Variants in PTGER3 observed in about 807,000 individuals in gnomAD.
PTGER3 encodes prostaglandin E receptor 3.
A neutral mutation model predicts 34.7 loss-of-function variants in PTGER3; 22 were observed. The ratio of observed to expected loss-of-function variants is 0.63; its 90% CI spans 0.45 to 0.91. The LOEUF (loss-of-function observed/expected upper bound fraction) is 0.91, where lower values mean the gene tolerates loss of function less well. Among genes scored for constraint, PTGER3 ranks in the 40% least tolerant of loss-of-function variants. The pLI is 0.00. For missense variants in PTGER3, 468 were observed against 519.4 expected (o/e 0.90, Z 0.96); for synonymous variants, 241 against 230.1 (o/e 1.05, Z -0.43).
intron 2 of PTGER3, among the ~76,000 whole-genome samples, chr1:70,954,067 T>C (rs1317784965): frequency 6.6e-6 from 1 of 152,152 alleles, no homozygotes; most frequent in Non-Finnish European, 1.5e-5. Flanking sequence ...GTTCAACTCA[T>C]GCTTTCCCTG....
Position 71,047,404 on chromosome 1 carries a change from C to T in PTGER3, c.174G>A (p.Met58Ile). The T allele has an allele frequency of 6.2e-7, 1 of 1,611,820 alleles. No homozygotes were observed. The highest frequency in any genetic ancestry group is 8.5e-7 in the Non-Finnish European group (1 of 1,179,684). ...GSVSVAFPIT[M>I]LLTGFVGNAL... ...CGTTGCCCACGAAACCAGTGAGCAG[C>T]ATGGTGATCGGGAAGGCCACGGACA... is the stretch of plus-strand genomic sequence containing the variant. Residue 58 changes from methionine (M) to isoleucine (I), a missense_variant, in exon 1 of 4, where the codon ATG becomes ATA. By Grantham distance (10) the Met-to-Ile change is conservative (BLOSUM62 1). Coordinates refer to ENST00000306666, the MANE Select transcript of PTGER3 (RefSeq NM_198719.2).
At chr1:71,034,152 G>A (rs572133348) in intron 1 of PTGER3, among the ~76,000 whole-genome samples, 2 of 149,560 alleles carry the variant, frequency 1.3e-5, no homozygotes, top group South Asian at 2.2e-4. Flanking sequence ...TATTTTGAGT[G>A]AGAAGAATCT....
chr1:70,871,680 T>C (rs1646166378), intron 4 of PTGER3, among the ~76,000 whole-genome samples: 1 of 152,052 alleles, frequency 6.6e-6, no homozygotes, highest in South Asian at 2.1e-4. Context: ...GAGCCTGAAG[T>C]CACACTAAGA....
At chr1:70,959,545 G>T (rs929531878) in intron 2 of PTGER3, among the ~76,000 whole-genome samples, 6 of 152,034 alleles carry the variant, frequency 3.9e-5, no homozygotes, top group Non-Finnish European at 7.4e-5. Flanking sequence ...ACTTTTAGTA[G>T]ATATGGGGTT....
intron 4 of PTGER3, among the ~76,000 whole-genome samples, chr1:70,880,741 T>C (rs1346272847): frequency 1.3e-5 from 2 of 151,940 alleles, no homozygotes; most frequent in Non-Finnish European, 2.9e-5. Context: ...CCTAAGTCTC[T>C]TCTGGCTTGT....
At chr1:70,928,959 C>T (rs1572676259) in intron 4 of PTGER3, among the ~76,000 whole-genome samples, 1 of 151,524 alleles carries the variant, frequency 6.6e-6, no homozygotes, top group African/African-American at 2.4e-5. Context: ...ACTAGGGAAC[C>T]CAAATCTAAC....
intron 1 of PTGER3, among the ~76,000 whole-genome samples, chr1:71,042,030 G>C (rs1028626393): frequency 6.6e-6 from 1 of 152,014 alleles, no homozygotes; most frequent in Non-Finnish European, 1.5e-5. Flanking sequence ...TAATTTAGTT[G>C]TTGACCTTCA....
At chr1:70,958,322 G>A (rs995320212) in intron 2 of PTGER3, among the ~76,000 whole-genome samples, 1 of 152,106 alleles carries the variant, frequency 6.6e-6, no homozygotes, top group Admixed American at 6.5e-5. Context: ...CCAATCGTGT[G>A]TAAGAGTTCC....
rs921383629 is a variant in PTGER3 at position 70,877,763 on chromosome 1, G to A, written c.*24-24904C>T. 2.6e-5 allele frequency among the ~76,000 whole-genome samples: 4 copies of A among 152,212 alleles called. No individual in the cohort carries two copies. In the South Asian group the frequency reaches 6.2e-4, roughly 24 times the overall value. ...TGTGGTAAATCACGTTTTAATTTGT[G>A]TATGTTTAACTAACCTTGCATCCCA... On this transcript the variant is annotated intron_variant, in intron 4 of 4. Coordinates refer to the PTGER3 transcript ENST00000370931.
chr1:71,047,318 G>T lies in PTGER3; in HGVS notation c.260C>A (p.Ser87Tyr), dbSNP rs1316591135. The T allele has an allele frequency of 6.2e-7, 1 of 1,606,100 alleles. No homozygotes were observed. The change falls in exon 1 of 4, where the codon TCC (serine) becomes TAC (tyrosine). Residue 87 changes from serine (S) to tyrosine (Y), a missense_variant. Ser to Tyr is a moderately radical substitution (Grantham distance 144). Around this residue, in one of 5 missense-constraint regions of PTGER3, gnomAD observed 151 missense variants for 133.5 expected, o/e 1.13. Transcript: ENST00000306666. The part of the protein sequence containing the change: ...YRRRESKRKK[S>Y]FLLCIGWLAL... ...CAGCCAGCCGATGCACAGCAGGAAG[G>T]ACTTCTTGCGCTTGCTCTCCCGGCG... is the stretch of plus-strand genomic sequence containing the variant.
intron 3 of PTGER3, among the ~76,000 whole-genome samples, chr1:70,953,436 G>C (rs1650977974): frequency 6.6e-6 from 1 of 152,112 alleles, no homozygotes. Flanking sequence ...GTGGAGTCTA[G>C]TGATGCTTGA....
chr1:70,856,369 G>C (rs541136988), intron 4 of PTGER3, among the ~76,000 whole-genome samples: 5 of 151,546 alleles, frequency 3.3e-5, no homozygotes, highest in African/African-American at 1.2e-4. Flanking sequence ...GAGCCGCTGA[G>C]GTGGAAGTTG....
At chr1:70,999,614 C>T (rs1656292099) in intron 2 of PTGER3, among the ~76,000 whole-genome samples, 3 of 152,144 alleles carry the variant, frequency 2.0e-5, no homozygotes, top group Admixed American at 2.0e-4. Context: ...GCCCTAGGTC[C>T]TGAATTTTCT....
At chr1:71,037,127 A>G (rs1057393205) in intron 1 of PTGER3, among the ~76,000 whole-genome samples, 2 of 152,190 alleles carry the variant, frequency 1.3e-5, no homozygotes, top group Admixed American at 1.3e-4. Context: ...ATCATGCTGC[A>G]CTGGACCAGC....
rs1045397871 is a variant in PTGER3 at position 71,047,413 on chromosome 1, C to G, written c.165G>C (p.Pro55=). 1 of 1,611,562 alleles carries G rather than the reference C, an allele frequency of 6.2e-7. No homozygotes were observed. The highest frequency in any genetic ancestry group is 1.3e-5 in the African/African-American group (1 of 74,934). ...EDCGSVSVAF[P]ITMLLTGFVG... is the part of the protein sequence containing the mutation. ...CGAAACCAGTGAGCAGCATGGTGAT[C>G]GGGAAGGCCACGGACACCGATCCGC... Residue 55 remains proline (P), a synonymous_variant, in exon 1 of 4, where the codon CCG becomes CCC. Coordinates refer to ENST00000306666, the MANE Select transcript of PTGER3 (RefSeq NM_198719.2).
exon 4 of PTGER3, chr1:70,952,444 A>T (rs1425338849): frequency 3.0e-6 from 3 of 985,668 alleles, no homozygotes; most frequent in Non-Finnish European, 3.6e-6. Context: ...ATGTTGAATT[A>T]GAATGTGTTT....
At chr1:71,034,250 C>T (rs1189809632) in intron 1 of PTGER3, among the ~76,000 whole-genome samples, 1 of 151,964 alleles carries the variant, frequency 6.6e-6, no homozygotes, top group Non-Finnish European at 1.5e-5. Flanking sequence ...AGTTTTTAAA[C>T]CTAATATTTT....
downstream of PTGER3, among the ~76,000 whole-genome samples, chr1:70,969,095 T>C (rs1652825995): frequency 6.6e-6 from 1 of 152,004 alleles, no homozygotes; most frequent in African/African-American, 2.4e-5. Flanking sequence ...TAATCCCAGC[T>C]ACTCAGGACG....
At chr1:70,855,314 G>A (rs1572460127) in intron 4 of PTGER3, among the ~76,000 whole-genome samples, 1 of 152,160 alleles carries the variant, frequency 6.6e-6, no homozygotes, top group South Asian at 2.1e-4. Flanking sequence ...CAGGGGCTGT[G>A]AGGAAGGGGA....
Sources: allele counts gnomAD v4.1 joint callset (sites outside exome capture counted in the v4.1 genomes callset), GRCh38; gene constraint gnomAD v4.1.1; regional missense constraint gnomAD v4.1.1; transcripts MANE v1.5; gene names NCBI Gene and HGNC (gene_info 2026-07-23, HGNC 2026-07-21).